SH3D19: variants seen among roughly 807,000 people sequenced by gnomAD.
The protein encoded by SH3D19 is SH3 domain containing 19.
In SH3D19, 58 loss-of-function variants were observed where a neutral mutation model predicts 112.1. That is an observed-to-expected ratio of 0.52 (90% CI 0.42 to 0.64). SH3D19 has a LOEUF of 0.64. SH3D19 is among the 30% of genes least tolerant of loss of function. The pLI is 0.00. For synonymous variants in SH3D19, 391 were observed against 448.5 expected (o/e 0.87, Z 1.62); for missense variants, 1,090 against 1,263.4 (o/e 0.86, Z 2.08).
chr4:151,323,500 T>G (rs984010566), intron 1 of SH3D19, among the ~76,000 whole-genome samples: 5 of 152,166 alleles, frequency 3.3e-5, no homozygotes, highest in African/African-American at 1.2e-4. Context: ...TGTAAAGAAA[T>G]GTAAACTATT....
intron 1 of SH3D19, among the ~76,000 whole-genome samples, chr4:151,296,617 T>C (rs1172967196): frequency 2.0e-5 from 3 of 152,244 alleles, no homozygotes; most frequent in African/African-American, 7.2e-5. Context: ...TTTACTTTTA[T>C]GGGGCTCAAT....
intron 11 of SH3D19, among the ~76,000 whole-genome samples, 157 bp downstream of exon 11, chr4:151,147,765 G>A (rs1754185509): frequency 6.6e-6 from 1 of 152,080 alleles, no homozygotes; most frequent in African/African-American, 2.4e-5. Context: ...GCCCAACCAA[G>A]ACCTAGAATT....
intron 1 of SH3D19, among the ~76,000 whole-genome samples, chr4:151,266,439 T>C (rs1772798667): frequency 6.6e-6 from 1 of 152,240 alleles, no homozygotes; most frequent in Non-Finnish European, 1.5e-5. Flanking sequence ...GGAGATTAGC[T>C]ACCTCCATTT....
chr4:151,292,449 G>A (rs1204569690), intron 1 of SH3D19, among the ~76,000 whole-genome samples: 1 of 152,180 alleles, frequency 6.6e-6, no homozygotes, highest in Non-Finnish European at 1.5e-5. Context: ...GAGGTCTTGG[G>A]TTTCAACAAT....
chr4:151,296,777 C>T (rs1232981729), intron 1 of SH3D19, among the ~76,000 whole-genome samples: 1 of 152,080 alleles, frequency 6.6e-6, no homozygotes, highest in African/African-American at 2.4e-5. Flanking sequence ...TGCTAAAAAT[C>T]CTATGAGCAA....
chr4:151,268,851 T>C (rs1003356762), intron 1 of SH3D19, among the ~76,000 whole-genome samples: 7 of 151,646 alleles, frequency 4.6e-5, no homozygotes, highest in Non-Finnish European at 8.8e-5. Context: ...TGTTGGACAT[T>C]TGGGTTGGTT....
Position 151,122,198 on chromosome 4 carries a change from T to C in SH3D19, c.3037A>G (p.Ile1013Val), listed in dbSNP as rs1402343586. 1 of 1,582,592 alleles carries C rather than the reference T, an allele frequency of 6.3e-7. No individual in the cohort carries two copies. The highest frequency in any genetic ancestry group is 1.3e-5 in the African/African-American group (1 of 74,300). Residue 1013 changes from isoleucine to valine, a missense_variant, in exon 20 of 20, where the codon ATA becomes GTA. Transcript: ENST00000604030. Reference protein sequence around the residue: ...EDELSFKAGDIITELESVDDD... With the variant: ...EDELSFKAGDVITELESVDDD... Reference sequence around the variant, plus strand: ...TCTACAGATTCCAGCTCTGTTATTATATCTCCAGCCTGTAAGACAAAAGGA... The same window carrying C: ...TCTACAGATTCCAGCTCTGTTATTACATCTCCAGCCTGTAAGACAAAAGGA...
At chr4:151,131,119 A>C (rs1048751610) in intron 17 of SH3D19, among the ~76,000 whole-genome samples, 1 of 152,072 alleles carries the variant, frequency 6.6e-6, no homozygotes, top group Non-Finnish European at 1.5e-5. Flanking sequence ...TAAAAACATT[A>C]TTTTATTTGA....
intron 1 of SH3D19, among the ~76,000 whole-genome samples, chr4:151,295,041 C>T (rs571684673): frequency 1.0e-3 from 154 of 152,264 alleles, no homozygotes; most frequent in Non-Finnish European, 1.5e-3. Flanking sequence ...GTCAATGTGG[C>T]TGGGACACTG....
chr4:151,305,571 T>C (rs1728838272), intron 1 of SH3D19, among the ~76,000 whole-genome samples: 1 of 152,166 alleles, frequency 6.6e-6, no homozygotes. Context: ...TCAATATCAT[T>C]AGCCAAAAGG....
chr4:151,170,161 C>T (rs1440722782), intron 7 of SH3D19, among the ~76,000 whole-genome samples: 4 of 152,156 alleles, frequency 2.6e-5, no homozygotes, highest in Admixed American at 2.6e-4. Flanking sequence ...GCACAGAAGG[C>T]TGCATACTTT....
chr4:151,209,224 C>T (rs540838476), intron 2 of SH3D19, among the ~76,000 whole-genome samples: 3 of 152,154 alleles, frequency 2.0e-5, no homozygotes, highest in South Asian at 4.2e-4. Flanking sequence ...ACACACTATC[C>T]CACAGCTTCT....
At chr4:151,159,956 A>C (rs572602314) in intron 8 of SH3D19, among the ~76,000 whole-genome samples, 1 of 152,202 alleles carries the variant, frequency 6.6e-6, no homozygotes, top group Non-Finnish European at 1.5e-5. Context: ...CCAAGGTCTT[A>C]TTGCTAGTAA....
chr4:151,193,673 G>A (rs1284549383), intron 2 of SH3D19, among the ~76,000 whole-genome samples: 1 of 152,132 alleles, frequency 6.6e-6, no homozygotes, highest in African/African-American at 2.4e-5. Context: ...TACATGACAT[G>A]GAACAGATAC....
chr4:151,130,894 T>G lies in SH3D19; in HGVS notation c.2742+1437A>C, dbSNP rs982654916. On this transcript the variant is annotated intron_variant, in intron 17 of 19. Coordinates refer to ENST00000604030, the MANE Select transcript of SH3D19 (RefSeq NM_001378122.1). ...AGCAGAGGTTGCAGTGAGCCAAGAC[T>G]GCGCCACTGCACTCCAGCCTGGGCG... is the stretch of plus-strand genomic sequence containing the variant. Among the ~76,000 whole-genome samples the G allele has an allele frequency of 6.0e-5, 9 of 150,670 alleles. No individual in the cohort carries two copies. In the East Asian group the frequency reaches 1.8e-3, roughly 30 times the overall value.
chr4:151,277,225 G>A (rs780261773), intron 1 of SH3D19: 1 of 1,508,582 alleles, frequency 6.6e-7, no homozygotes, highest in Non-Finnish European at 9.0e-7. Flanking sequence ...GGGATCTCAG[G>A]TGAGCGCCAG....
At chr4:151,193,753 T>C (rs1358561008) in intron 2 of SH3D19, among the ~76,000 whole-genome samples, 2 of 152,176 alleles carry the variant, frequency 1.3e-5, no homozygotes, top group Non-Finnish European at 2.9e-5. Context: ...TACTGCAACA[T>C]ATGAGCTCAG....
At chr4:151,271,749 T>C (rs1221524042) in intron 1 of SH3D19, among the ~76,000 whole-genome samples, 3 of 152,098 alleles carry the variant, frequency 2.0e-5, no homozygotes, top group Non-Finnish European at 4.4e-5. Flanking sequence ...ATAACAACAA[T>C]AATAAAAATA....
intron 1 of SH3D19, among the ~76,000 whole-genome samples, chr4:151,324,383 G>A (rs1465762455): frequency 6.6e-6 from 1 of 152,048 alleles, no homozygotes; most frequent in Non-Finnish European, 1.5e-5. Flanking sequence ...GTTCTCCTCC[G>A]ACTCTCTCAC....
Sources: gnomAD v4.1 joint callset for allele counts (sites outside exome capture counted in the v4.1 genomes callset) on GRCh38, gnomAD v4.1.1 for gene constraint, MANE v1.5 for transcripts, NCBI Gene and HGNC (gene_info 2026-07-23, HGNC 2026-07-21) for gene names.